The following CROCC variants were observed in gnomAD, a reference collection of about 807,000 sequenced individuals.
CROCC encodes the protein rootletin.
A neutral mutation model predicts 245.2 loss-of-function variants in CROCC; 180 were observed. The ratio of observed to expected loss-of-function variants is 0.73; its 90% CI spans 0.65 to 0.83. CROCC has a LOEUF of 0.83. CROCC is among the 40% of genes least tolerant of loss of function. The pLI, the probability that CROCC is intolerant of heterozygous loss-of-function variation, is 0.00. For synonymous variants in CROCC, 1,205 were observed against 1,241.6 expected, an observed-to-expected ratio of 0.97 and a Z score of 0.62; for missense variants, 2,688 against 2,779.4, an observed-to-expected ratio of 0.97 and a Z score of 0.74.
intron 8 of CROCC, among the ~76,000 whole-genome samples, chr1:16,933,558 T>G (rs576257149): frequency 8.9e-4 from 135 of 152,340 alleles, no homozygotes; most frequent in African/African-American, 3.1e-3. Context: ...CGTAAATGTT[T>G]GCTTTGTCTT....
chr1:16,937,418 C>T (rs1230576280), intron 9 of CROCC, among the ~76,000 whole-genome samples: 1 of 152,114 alleles, frequency 6.6e-6, no homozygotes, highest in Non-Finnish European at 1.5e-5. Flanking sequence ...AAGTCCTCAA[C>T]TGCTTTCCCA....
Position 16,938,897 on chromosome 1 carries a change from C to T in CROCC, c.1375-12C>T, listed in dbSNP as rs1439474123. ...TCAGCAGCCTCCTTCTGCCTCCCTCCCCCACCCTCAGGCCGTCTTGTCAGA... is the reference window on the plus strand; with the variant it reads ...TCAGCAGCCTCCTTCTGCCTCCCTCTCCCACCCTCAGGCCGTCTTGTCAGA... On this transcript the variant is annotated splice_polypyrimidine_tract_variant and intron_variant, in intron 11 of 36. Coordinates refer to ENST00000375541, the MANE Select transcript of CROCC (RefSeq NM_014675.5). 1.9e-6 allele frequency: 3 copies of T among 1,604,548 alleles called. No individual in the cohort carries two copies. The highest frequency in any genetic ancestry group is 2.2e-5 in the East Asian group (1 of 44,506).
chr1:16,924,276 T>C, intron 2 of CROCC, 49 bp from the exon 3 acceptor site: 1 of 1,592,860 alleles, frequency 6.3e-7, no homozygotes, highest in Non-Finnish European at 8.5e-7. Context: ...GGGGGGAGGA[T>C]GTCCCACTGG....
rs563251787 is a variant in CROCC at position 16,948,704 on chromosome 1, G to A, written c.2709-95G>A. On this transcript the variant is annotated intron_variant, in intron 18 of 36. Coordinates refer to ENST00000375541, the MANE Select transcript of CROCC (RefSeq NM_014675.5). ...TGGGCCTGGCCAGGCAGGTAGATTG[G>A]CACTTGGCCCATGCCTGGCCACTCC... 30 of 1,562,032 alleles carry A rather than the reference G, an allele frequency of 1.9e-5. No individual in the cohort carries two copies. The African/African-American group carries it at 3.8e-4, about 20-fold the overall frequency.
At chr1:16,953,248 G>A in intron 20 of CROCC, 54 bp from the exon 21 acceptor site, 4 of 1,503,250 alleles carry the variant, frequency 2.7e-6, no homozygotes, top group South Asian at 2.5e-5. Flanking sequence ...GTTTTGGGGG[G>A]TCTGCCTGGG....
In CROCC at chr1:16,954,486, C is replaced by A; in HGVS notation, c.3321+129C>A. ...CAGGCTGTGGGAAAGGAGGTTTAGC[C>A]CTTCTTTTGGGAGCCCCCATCTGAG... On this transcript the variant is annotated intron_variant, in intron 22 of 36. Transcript: ENST00000375541. This position sits in a 1 kb window ranked among gnomAD's most constrained non-coding sequence, Gnocchi z 4.4. 7.4e-7 allele frequency: 1 copy of A among 1,357,414 alleles called. No individual in the cohort carries two copies. The allele number at this position is 1,357,414 out of a possible 1,614,324, so 84.1% of individuals were successfully genotyped here.
chr1:16,936,168 G>T (rs866594613), intron 8 of CROCC, among the ~76,000 whole-genome samples: 101 of 152,172 alleles, frequency 6.6e-4, no homozygotes, highest in Non-Finnish European at 7.2e-4. Context: ...TTCCCATGCT[G>T]GCCTCAAACT....
chr1:16,964,970 C>T (rs147813588), intron 27 of CROCC, among the ~76,000 whole-genome samples: 331 of 152,250 alleles, frequency 2.2e-3, no homozygotes, highest in African/African-American at 6.5e-3. Context: ...CATGAGACAC[C>T]GCACCTGGCC....
intron 8 of CROCC, among the ~76,000 whole-genome samples, chr1:16,932,743 G>A (rs1219206467): frequency 6.6e-6 from 1 of 152,268 alleles, no homozygotes; most frequent in Non-Finnish European, 1.5e-5. Flanking sequence ...GGGGGAGCTT[G>A]GGCCTGCCTG....
At chr1:16,924,735 C>T (rs1168373060) in intron 3 of CROCC, among the ~76,000 whole-genome samples, 2 of 152,276 alleles carry the variant, frequency 1.3e-5, no homozygotes, top group African/African-American at 4.8e-5. Context: ...GTGCCTGGCA[C>T]CAGGGGTATT....
At chr1:16,969,696 T>G in intron 32 of CROCC, 89 bp from the exon 33 acceptor site, 1 of 1,507,910 alleles carries the variant, frequency 6.6e-7, no homozygotes, top group Non-Finnish European at 8.8e-7. Context: ...GCCTGTTTTA[T>G]GCTCTGTGGA....
chr1:16,942,241 G>T (rs1458036618), intron 13 of CROCC, among the ~76,000 whole-genome samples: 1 of 152,206 alleles, frequency 6.6e-6, no homozygotes, highest in Non-Finnish European at 1.5e-5. Context: ...TAACTCCTGA[G>T]CCCGTCTCGG....
At chr1:16,921,628 C>T (rs1036443492), upstream of CROCC, among the ~76,000 whole-genome samples, 1 of 152,290 alleles carries the variant, frequency 6.6e-6, no homozygotes, top group Non-Finnish European at 1.5e-5. Flanking sequence ...CTGACCCCAC[C>T]CCCTGGGCTT....
At position 16,953,454 on chromosome 1, in the gene CROCC, C is replaced by T; in HGVS notation, c.3159C>T (p.Leu1053=). 3 of 1,608,764 alleles carry T rather than the reference C, an allele frequency of 1.9e-6. No homozygotes were observed. Among genetic ancestry groups the T allele is most frequent in the Non-Finnish European group, 1.7e-6 (2 of 1,179,818 alleles). Residue 1053 remains leucine, a synonymous_variant, in exon 21 of 37, where the codon CTC becomes CTT. Coordinates refer to ENST00000375541, the MANE Select transcript of CROCC (RefSeq NM_014675.5). ...AALQQERDEG[L]LLAESEKQQA... is the part of the protein sequence containing the mutation. ...TGCAGCAGGAGCGCGACGAGGGCCT[C>T]CTCCTAGCAGAGAGTGAGAAGCAGC...
Position 16,958,675 on chromosome 1 carries a change from G to T in CROCC, c.3957G>T (p.Glu1319Asp). ...CGCTGGGCGAGCGGGCAGAGAAGGAGAGCAGGCGGGAGACCCTGGGCCTCC... is the reference window on the plus strand; with the variant it reads ...CGCTGGGCGAGCGGGCAGAGAAGGATAGCAGGCGGGAGACCCTGGGCCTCC... ...RLALGERAEK[E>D]SRRETLGLRQ... Residue 1319 changes from glutamate to aspartate, a missense_variant, in exon 26 of 37, where the codon GAG becomes GAT. Coordinates refer to ENST00000375541, the MANE Select transcript of CROCC (RefSeq NM_014675.5). 1 of 1,556,680 alleles carries T rather than the reference G, an allele frequency of 6.4e-7. No homozygotes were observed. The highest frequency in any genetic ancestry group is 8.7e-7 in the Non-Finnish European group (1 of 1,150,870).
At chr1:16,972,224 G>T (rs1013465110) in intron 36 of CROCC, 136 bp from the exon 37 acceptor site, 7 of 743,760 alleles carry the variant, frequency 9.4e-6, no homozygotes, top group Admixed American at 2.3e-5. Context: ...AGAAAGGCAG[G>T]ACAGCCCCTG....
At chr1:16,948,562 T>C in intron 18 of CROCC, 38 bp downstream of exon 18, 1 of 1,488,880 alleles carries the variant, frequency 6.7e-7, no homozygotes, top group South Asian at 1.4e-5. Flanking sequence ...CCCTGGGGGG[T>C]CCTCCTGGGG....
Position 16,972,519 on chromosome 1 carries a change from A to C in CROCC, c.*73A>C, listed in dbSNP as rs6661019. ...GACCCTTCTTTTGGACAGCCCCCCCACCCAGAGCCCGGTCCCTTGGGGGCC... is the reference window on the plus strand; with the variant it reads ...GACCCTTCTTTTGGACAGCCCCCCCCCCCAGAGCCCGGTCCCTTGGGGGCC... On this transcript the variant is annotated 3_prime_UTR_variant, in exon 37 of 37. Transcript: ENST00000375541. 612,890 of 770,472 alleles carry C rather than the reference A, an allele frequency of 0.8. 227,802 individuals are homozygous for C. The highest frequency in any genetic ancestry group is 0.94 in the African/African-American group (50,341 of 53,658). The allele number at this position is 770,472 out of a possible 1,614,324, so 47.7% of individuals were successfully genotyped here.
At position 16,969,356 on chromosome 1, in the gene CROCC, T is replaced by C. The variant is rs1323413056; in HGVS notation, c.5301+16T>C. On this transcript the variant is annotated intron_variant, in intron 32 of 36. Coordinates refer to ENST00000375541, the MANE Select transcript of CROCC (RefSeq NM_014675.5). The stretch of plus-strand genomic sequence containing the variant: ...AGTACTCCAGGTCTCGGGCCCAGGG[T>C]CTGGCTGGGGTGGGCCCAGTGAGAG... 1 of 1,601,552 alleles carries C rather than the reference T, an allele frequency of 6.2e-7. No individual in the cohort carries two copies. The highest frequency in any genetic ancestry group is 1.3e-5 in the African/African-American group (1 of 74,592).
Sources: allele counts gnomAD v4.1 joint callset (sites outside exome capture counted in the v4.1 genomes callset), GRCh38; gene constraint gnomAD v4.1.1; non-coding constraint Gnocchi (gnomAD v3.1); transcripts MANE v1.5; gene names NCBI Gene and HGNC (gene_info 2026-07-23, HGNC 2026-07-21).